HIPK2: variants seen among roughly 807,000 people sequenced by gnomAD.
HIPK2 encodes the protein homeodomain interacting protein kinase 2.
A neutral mutation model predicts 113.7 loss-of-function variants in HIPK2; 27 were observed. That is an observed-to-expected ratio of 0.24 (90% CI 0.17 to 0.33). The LOEUF (loss-of-function observed/expected upper bound fraction) is 0.33, where lower values mean the gene tolerates loss of function less well. HIPK2 is among the 10% of genes least tolerant of loss of function. The pLI, the probability that HIPK2 is intolerant of heterozygous loss-of-function variation, is 1.00. For missense variants in HIPK2, 1,257 were observed against 1,588.0 expected (o/e 0.79, Z 3.54); for synonymous variants, 631 against 642.2 (o/e 0.98, Z 0.26).
intron 2 of HIPK2, among the ~76,000 whole-genome samples, chr7:139,669,386 C>T (rs563962394): frequency 1.8e-4 from 27 of 152,266 alleles, no homozygotes; most frequent in East Asian, 7.7e-4. Context: ...TTAAAGGCAG[C>T]GGTGACAGTA....
intron 2 of HIPK2, among the ~76,000 whole-genome samples, chr7:139,703,000 G>A (rs1234134536): frequency 1.3e-5 from 2 of 152,062 alleles, no homozygotes; most frequent in East Asian, 1.9e-4. Flanking sequence ...CTGTCCGGCC[G>A]TTTCCAGAAA....
chr7:139,578,534 T>C (rs1017173073), intron 13 of HIPK2, among the ~76,000 whole-genome samples: 4 of 152,212 alleles, frequency 2.6e-5, no homozygotes, highest in African/African-American at 9.6e-5. Flanking sequence ...AGGTAATGAG[T>C]AACCTCCTTT....
intron 12 of HIPK2, among the ~76,000 whole-genome samples, chr7:139,584,305 A>C (rs1360145986): frequency 6.6e-6 from 1 of 152,010 alleles, no homozygotes; most frequent in Non-Finnish European, 1.5e-5. Flanking sequence ...GGGCTTCTGG[A>C]AACTAGGGAG....
intron 1 of HIPK2, among the ~76,000 whole-genome samples, chr7:139,738,138 C>A (rs1365754768): frequency 1.3e-5 from 2 of 152,264 alleles, no homozygotes; most frequent in Non-Finnish European, 2.9e-5. Flanking sequence ...GGCTCACAAA[C>A]AAGACCCAAG....
rs1172434359 is a variant in HIPK2 at position 139,613,547 on chromosome 7, G to T, written c.1991-224C>A. On this transcript the variant is annotated intron_variant, in intron 8 of 14. Transcript: ENST00000406875. The surrounding 1 kb of genome is among the most constrained non-coding windows in gnomAD (Gnocchi z 4.2). ...CTTGAATGTCTTCAAAGGCTAGAAGGTCAGATTAAGGAGGCTGTAAGGCCA... is the reference window on the plus strand; with the variant it reads ...CTTGAATGTCTTCAAAGGCTAGAAGTTCAGATTAAGGAGGCTGTAAGGCCA... 6.6e-6 allele frequency among the ~76,000 whole-genome samples: 1 copy of T among 152,166 alleles called. No individual in the cohort carries two copies. The highest frequency in any genetic ancestry group is 6.5e-5 in the Admixed American group (1 of 15,274).
chr7:139,587,903 T>C (rs772682486), intron 12 of HIPK2, among the ~76,000 whole-genome samples: 2 of 151,772 alleles, frequency 1.3e-5, no homozygotes. Context: ...TAAATAAAAA[T>C]AGTTAGGTAC....
chr7:139,671,087 A>C (rs1013114928), intron 2 of HIPK2, among the ~76,000 whole-genome samples: 2 of 152,174 alleles, frequency 1.3e-5, no homozygotes, highest in African/African-American at 4.8e-5. Flanking sequence ...AGCCAATTTT[A>C]AATACCTTCT....
intron 9 of HIPK2, among the ~76,000 whole-genome samples, chr7:139,606,264 C>A (rs955758571): frequency 6.6e-6 from 1 of 152,166 alleles, no homozygotes; most frequent in Non-Finnish European, 1.5e-5. Flanking sequence ...TTTCTGACTA[C>A]TTCTTTTTTC....
intron 1 of HIPK2, among the ~76,000 whole-genome samples, chr7:139,730,314 T>G (rs1247248315): frequency 6.6e-6 from 1 of 152,084 alleles, no homozygotes; most frequent in African/African-American, 2.4e-5. Flanking sequence ...TCTACTCTAT[T>G]CTTTCCCATT....
chr7:139,732,578 A>G (rs537738430), intron 1 of HIPK2, among the ~76,000 whole-genome samples: 1 of 152,090 alleles, frequency 6.6e-6, no homozygotes, highest in African/African-American at 2.4e-5. Context: ...TAATTTTCAG[A>G]TTGTTTCTGC....
At chr7:139,593,814 G>A (rs747035762) in intron 12 of HIPK2, among the ~76,000 whole-genome samples, 1 of 152,202 alleles carries the variant, frequency 6.6e-6, no homozygotes, top group African/African-American at 2.4e-5. Flanking sequence ...ATGTGTAGGA[G>A]GGAAGGTCTC....
At chr7:139,608,056 C>A (rs912440132) in intron 9 of HIPK2, among the ~76,000 whole-genome samples, 2 of 151,798 alleles carry the variant, frequency 1.3e-5, no homozygotes, top group Non-Finnish European at 2.9e-5. Context: ...CTGGCCAACA[C>A]ATTGAAACCT....
rs78418383 is a variant in HIPK2, at chr7:139,586,443, G to C, written c.2718-2379C>G. On this transcript the variant is annotated intron_variant, in intron 12 of 14. Transcript: ENST00000406875. ...CTGGTGAATGAATAGAAAATATGGT[G>C]TATCCATACAGTGGAATACTATTCA... Among the ~76,000 whole-genome samples the C allele has an allele frequency of 4.9e-3, 749 of 152,142 alleles. 7 individuals carry two copies. The highest frequency in any genetic ancestry group is 0.017 in the African/African-American group (702 of 41,496).
chr7:139,753,357 C>T lies in HIPK2; in HGVS notation c.19+24248G>A, dbSNP rs1796311327. Among the ~76,000 whole-genome samples the T allele has an allele frequency of 2.0e-5, 3 of 152,170 alleles. No individual in the cohort carries two copies. In the South Asian group the frequency reaches 6.2e-4, roughly 31 times the overall value. ...AGCTGAACTGGAGATCAGAGGGGAC[C>T]AGCAACCACGGGAGCCTTCCTACAT... On this transcript the variant is annotated intron_variant, in intron 1 of 14. Transcript: ENST00000406875.
intron 2 of HIPK2, among the ~76,000 whole-genome samples, chr7:139,633,629 G>C (rs1327445633): frequency 3.4e-5 from 5 of 148,300 alleles, no homozygotes; most frequent in Admixed American, 1.3e-4. Flanking sequence ...CTGGGCAACA[G>C]AGTGAGACCC....
At chr7:139,768,780 C>T (rs1414060385) in intron 1 of HIPK2, among the ~76,000 whole-genome samples, 1 of 152,136 alleles carries the variant, frequency 6.6e-6, no homozygotes, top group Non-Finnish European at 1.5e-5. Flanking sequence ...ACCACTATAC[C>T]TGGAGCCCCA....
intron 12 of HIPK2, among the ~76,000 whole-genome samples, chr7:139,584,578 A>G (rs1392460578): frequency 2.6e-5 from 4 of 152,222 alleles, no homozygotes; most frequent in South Asian, 4.1e-4. Context: ...AGAATGTCCA[A>G]TGGGATGCAG....
chr7:139,703,299 G>A (rs926505132), intron 2 of HIPK2, among the ~76,000 whole-genome samples: 1 of 152,070 alleles, frequency 6.6e-6, no homozygotes, highest in Admixed American at 6.5e-5. Context: ...AAAACCTCCC[G>A]CTGCTGCTCA....
rs112116239 is a variant in HIPK2, at chr7:139,674,063, CAAA to C, written c.1103+41866_1103+41868del. On this transcript the variant is annotated intron_variant, in intron 2 of 14. Coordinates refer to ENST00000406875, the MANE Select transcript of HIPK2 (RefSeq NM_022740.5). ...CCCGGATGACAGAGTGAGACTGTCT[CAAA>C]AAAAAAAAAAAGAAAAATTTGCTGA... is the stretch of plus-strand genomic sequence containing the variant. Among the ~76,000 whole-genome samples, 521 of 99,228 alleles carry C rather than the reference CAAA, an allele frequency of 5.3e-3. 5 individuals are homozygous for C. Among genetic ancestry groups the C allele is most frequent in the African/African-American group, 0.018 (491 of 26,872 alleles). 65.1% of individuals were successfully genotyped at this position (99,228 alleles called of 152,430 possible).
Sources: gnomAD v4.1 joint callset for allele counts (sites outside exome capture counted in the v4.1 genomes callset) on GRCh38, gnomAD v4.1.1 for gene constraint, Gnocchi (gnomAD v3.1) non-coding constraint, MANE v1.5 for transcripts, NCBI Gene and HGNC (gene_info 2026-07-23, HGNC 2026-07-21) for gene names.